SEC31A: variants seen among roughly 807,000 people sequenced by gnomAD.
The protein encoded by SEC31A is protein transport protein Sec31A.
SEC31A carries 70 observed loss-of-function variants against 151.0 expected under a neutral mutation model. That is an observed-to-expected ratio of 0.46 (90% CI 0.38 to 0.57). SEC31A has a LOEUF of 0.57. SEC31A is among the 20% of genes least tolerant of loss of function. The probability of loss-of-function intolerance (pLI) is 0.00; values close to 1 mark genes in which losing one functional copy is unlikely to be tolerated. For missense variants in SEC31A, 1,330 were observed against 1,471.2 expected (o/e 0.90, Z 1.57); for synonymous variants, 475 against 505.9 (o/e 0.94, Z 0.82).
intron 1 of SEC31A, among the ~76,000 whole-genome samples, chr4:82,888,638 G>A (rs1162224941): frequency 2.0e-5 from 3 of 151,482 alleles, no homozygotes; most frequent in Non-Finnish European, 2.9e-5. Context: ...GCAGTGAGCC[G>A]AGATCGCGCC....
At chr4:82,884,926 A>G (rs887863385) in intron 1 of SEC31A, among the ~76,000 whole-genome samples, 1 of 152,172 alleles carries the variant, frequency 6.6e-6, no homozygotes, top group African/African-American at 2.4e-5. Context: ...TACTGCTAAT[A>G]TATTTATGTC....
intron 3 of SEC31A, among the ~76,000 whole-genome samples, chr4:82,879,958 A>G (rs1175252258): frequency 6.6e-6 from 1 of 152,088 alleles, no homozygotes; most frequent in East Asian, 1.9e-4. Context: ...TACGATGACT[A>G]CTCCTTTTCT....
chr4:82,831,605 A>C (rs1287222554), intron 22 of SEC31A, among the ~76,000 whole-genome samples: 1 of 152,198 alleles, frequency 6.6e-6, no homozygotes, highest in African/African-American at 2.4e-5. Flanking sequence ...TGCATTTGAT[A>C]AGGATAAACG....
In SEC31A at chr4:82,845,360, C is replaced by A. The variant is rs113811852; in HGVS notation, c.2503-851G>T. 5,943 of 930,334 alleles carry A rather than the reference C, an allele frequency of 6.4e-3. 65 individuals carry two copies. Among genetic ancestry groups the A allele is most frequent in the Middle Eastern group, 0.012 (42 of 3,550 alleles). The allele number at this position is 930,334 out of a possible 1,614,324, so 57.6% of individuals were successfully genotyped here. A position where few individuals can be genotyped will look rare whatever the true frequency, so the allele number is the denominator to read the frequency against. ...TGAAAACGTTAAAAGAAGAAAAAAACCCCAAAAGGTATTAATAGCCAGATG... is the reference window on the plus strand; with the variant it reads ...TGAAAACGTTAAAAGAAGAAAAAAAACCCAAAAGGTATTAATAGCCAGATG... On this transcript the variant is annotated intron_variant, in intron 20 of 26. Coordinates refer to ENST00000395310, the MANE Select transcript of SEC31A (RefSeq NM_001077207.4).
rs1578292709 is a variant in SEC31A at position 82,864,443 on chromosome 4, T to G, written c.1353A>C (p.Ser451=). 1 of 1,614,232 alleles carries G rather than the reference T, an allele frequency of 6.2e-7. No individual in the cohort carries two copies. Residue 451 remains serine (S), a synonymous_variant, in exon 11 of 27, where the codon TCA becomes TCC. Coordinates refer to ENST00000395310, the MANE Select transcript of SEC31A (RefSeq NM_001077207.4). Reference sequence around the variant, plus strand: ...TTTGGCAATAATTGATAAATCCTTGTGACTGCACAGCCTGCTGAAGTTGGT... The same window carrying G: ...TTTGGCAATAATTGATAAATCCTTGGGACTGCACAGCCTGCTGAAGTTGGT... ...RSDQLQQAVQ[S]QGFINYCQKK...
At chr4:82,860,634 G>A (rs1328668350) in intron 14 of SEC31A, among the ~76,000 whole-genome samples, 1 of 133,638 alleles carries the variant, frequency 7.5e-6, no homozygotes, top group Non-Finnish European at 1.7e-5. Flanking sequence ...CACCACGCCT[G>A]GCTAATTTTT....
At chr4:82,899,021 G>A (rs1323540079) in intron 3 of SEC31A, among the ~76,000 whole-genome samples, 2 of 152,272 alleles carry the variant, frequency 1.3e-5, no homozygotes, top group South Asian at 2.1e-4. Flanking sequence ...AATGGAGTAC[G>A]ATTCAGCAAT....
At chr4:82,821,269 C>T in intron 25 of SEC31A, 161 bp from the exon 26 acceptor site, 4 of 609,054 alleles carry the variant, frequency 6.6e-6, no homozygotes, top group Non-Finnish European at 1.1e-5. Flanking sequence ...CAGATTATGG[C>T]CGGGCGTGGT....
chr4:82,871,780 A>C lies in SEC31A; in HGVS notation c.782+164T>G, dbSNP rs374611883. ...TTTGAACCTGGGAGGCAGAGGTTGC[A>C]GTGAGCCAAGATCTTGCCACTGCAC... is the stretch of plus-strand genomic sequence containing the variant. On this transcript the variant is annotated intron_variant, in intron 7 of 26. Coordinates refer to ENST00000395310, the MANE Select transcript of SEC31A (RefSeq NM_001077207.4). 168 of 754,060 alleles carry C rather than the reference A, an allele frequency of 2.2e-4. 2 individuals carry two copies. In the East Asian group the frequency reaches 4.2e-3, roughly 19 times the overall value. The allele number at this position is 754,060 out of a possible 1,614,324, so 46.7% of individuals were successfully genotyped here.
chr4:82,825,750 G>C (rs1724414121), intron 24 of SEC31A, among the ~76,000 whole-genome samples: 1 of 152,210 alleles, frequency 6.6e-6, no homozygotes, highest in Non-Finnish European at 1.5e-5. Context: ...GATATCGGCA[G>C]ACCAATTAGG....
At chr4:82,840,194 T>A (rs1728414511) in intron 22 of SEC31A, among the ~76,000 whole-genome samples, 1 of 152,192 alleles carries the variant, frequency 6.6e-6, no homozygotes, top group Non-Finnish European at 1.5e-5. Flanking sequence ...GTTGTAAGAC[T>A]TAAATAAGAA....
At chr4:82,854,781 A>G (rs1027172466) in intron 17 of SEC31A, 122 bp downstream of exon 17, 19 of 1,003,938 alleles carry the variant, frequency 1.9e-5, no homozygotes, top group Non-Finnish European at 2.3e-5. Flanking sequence ...TGAAATGAGA[A>G]TTTTTCTTTT....
chr4:82,853,787 T>C, intron 17 of SEC31A, 72 bp from the exon 18 acceptor site: 1 of 1,251,506 alleles, frequency 8.0e-7, no homozygotes, highest in Non-Finnish European at 1.1e-6. Flanking sequence ...AGCAGCTAAA[T>C]AATATTTTCA....
At chr4:82,890,867 A>G in intron 1 of SEC31A, 1 of 1,383,938 alleles carries the variant, frequency 7.2e-7, no homozygotes, top group Middle Eastern at 2.7e-4. Flanking sequence ...TCAGCAGTGG[A>G]GACGTCGGCG....
chr4:82,883,990 T>TTA (rs1376972541), intron 1 of SEC31A, among the ~76,000 whole-genome samples: 1 of 145,084 alleles, frequency 6.9e-6, no homozygotes. Context: ...TTTCTATTCT[T>TTA]TTTTTTTTTT....
In SEC31A at chr4:82,867,223, C is replaced by T. The variant is rs369231321; in HGVS notation, c.976G>A (p.Gly326Arg). The stretch of plus-strand genomic sequence containing the variant: ...ATGATAGAATAAACACTGATACGCC[C>T]ATCAAACGAAGCAGCTGATAAGACA... ...PAVLSAASFD[G>R]RISVYSIMGG... The change falls in exon 9 of 27, where the codon GGG becomes AGG. Residue 326 changes from glycine to arginine, a missense_variant. Gly to Arg is a moderately radical substitution (Grantham distance 125, BLOSUM62 -2). Coordinates refer to ENST00000395310, the MANE Select transcript of SEC31A (RefSeq NM_001077207.4). 1.3e-5 allele frequency: 21 copies of T among 1,613,824 alleles called. No homozygotes were observed. Among genetic ancestry groups the T allele is most frequent in the Non-Finnish European group, 1.6e-5 (19 of 1,179,854 alleles).
rs867106063 is a variant in SEC31A, at chr4:82,863,222, T to C, written c.1509+96A>G. The C allele has an allele frequency of 4.0e-5, 29 of 730,818 alleles. No homozygotes were observed. The Middle Eastern group carries it at 2.0e-3, about 49-fold the overall frequency. The allele number at this position is 730,818 out of a possible 1,614,324, so 45.3% of individuals were successfully genotyped here. A position where few individuals can be genotyped will look rare whatever the true frequency, so the allele number is the denominator to read the frequency against. On this transcript the variant is annotated intron_variant, in intron 12 of 26. Transcript: ENST00000395310. Reference sequence around the variant, plus strand: ...CAACCAAACACAAATTATTATTAAATGTTTATTGGGTGATTTGAGATAATC... The same window carrying C: ...CAACCAAACACAAATTATTATTAAACGTTTATTGGGTGATTTGAGATAATC...
At chr4:82,876,934 T>C (rs577142608) in intron 4 of SEC31A, among the ~76,000 whole-genome samples, 1 of 152,326 alleles carries the variant, frequency 6.6e-6, no homozygotes, top group Admixed American at 6.5e-5. Flanking sequence ...AAAGAGCAGA[T>C]ACCACAAACT....
intron 22 of SEC31A, among the ~76,000 whole-genome samples, chr4:82,830,748 T>C (rs1419086635): frequency 2.6e-5 from 4 of 152,248 alleles, no homozygotes; most frequent in African/African-American, 4.8e-5. Flanking sequence ...CCAAGCTACT[T>C]GTGTAATCAC....
Sources: allele counts gnomAD v4.1 joint callset (sites outside exome capture counted in the v4.1 genomes callset), GRCh38; gene constraint gnomAD v4.1.1; transcripts MANE v1.5; gene names NCBI Gene and HGNC (gene_info 2026-07-23, HGNC 2026-07-21).